Variants in GYPB observed in about 807,000 individuals in gnomAD.
The protein encoded by GYPB is glycophorin B (MNS blood group).
Under a neutral mutation model 15.3 loss-of-function variants are expected in GYPB, and 13 were observed. That is an observed-to-expected ratio of 0.85 (90% confidence interval 0.55 to 1.35). The LOEUF (loss-of-function observed/expected upper bound fraction) is 1.35. Ranked by LOEUF, GYPB falls within the 40% of genes most tolerant of loss-of-function variation. GYPB has a pLI of 0.00. For synonymous variants in GYPB, 38 were observed against 36.9 expected (o/e 1.03, Z -0.11); for missense variants, 131 against 108.3 (o/e 1.21, Z -0.93).
At chr4:144,011,041 A>T (rs1728190400) in intron 1 of GYPB, among the ~76,000 whole-genome samples, 1 of 151,572 alleles carries the variant, frequency 6.6e-6, no homozygotes, top group Non-Finnish European at 1.5e-5. Context: ...ATGCATATGG[A>T]TTATGGTTTT....
intron 1 of GYPB, chr4:144,002,600 G>A (rs1188660405): frequency 1.6e-6 from 2 of 1,286,920 alleles, no homozygotes; most frequent in Non-Finnish European, 2.0e-6. Context: ...ACATTCAAAT[G>A]AGGGGAATGG....
Position 143,996,235 on chromosome 4 carries a change from T to G in GYPB, c.*64A>C, listed in dbSNP as rs1269004558. The G allele has an allele frequency of 1.3e-6, 2 of 1,550,014 alleles. No individual in the cohort carries two copies. The highest frequency in any genetic ancestry group is 1.4e-5 in the African/African-American group (1 of 72,054). Reference sequence around the variant, plus strand: ...GAATAGCAGGTGCAGCCAGTTTGCATAAACAAGAGAACAGCAGGTGCAGCC... The same window carrying G: ...GAATAGCAGGTGCAGCCAGTTTGCAGAAACAAGAGAACAGCAGGTGCAGCC... On this transcript the variant is annotated 3_prime_UTR_variant, in exon 5 of 5. Transcript: ENST00000502664.
At chr4:144,008,457 G>C (rs1476644970) in intron 1 of GYPB, 2 of 455,280 alleles carry the variant, frequency 4.4e-6, no homozygotes, top group Non-Finnish European at 8.8e-6. Flanking sequence ...GACCTGCAGT[G>C]GCAAATCCAC....
rs1351620960 is a variant in GYPB, at chr4:144,019,374, A to G, written c.-87T>C. 1 of 1,608,604 alleles carries G rather than the reference A, an allele frequency of 6.2e-7. No homozygotes were observed. ...TGTCAGTGTCTGGCCTTAGCCTACT[A>G]GCTGTTATCTTCCAGGCCCACCTTC... On this transcript the variant is annotated 5_prime_UTR_variant, in exon 1 of 5. Coordinates refer to ENST00000502664, the MANE Select transcript of GYPB (RefSeq NM_002100.6).
intron 2 of GYPB, 56 bp downstream of exon 2, chr4:144,001,128 GT>G (rs1727598326): frequency 6.2e-7 from 1 of 1,611,942 alleles, no homozygotes; most frequent in African/African-American, 1.4e-5. Flanking sequence ...CTAAAATAGG[GT>G]TGCATCACAA....
rs1203387834 is a variant in GYPB at position 144,012,899 on chromosome 4, A to G, written c.37+6352T>C. 11 of 151,788 alleles carry G rather than the reference A, an allele frequency of 7.2e-5. No individual in the cohort carries two copies. In the East Asian group the frequency reaches 1.9e-3, roughly 27 times the overall value. 9.4% of individuals were successfully genotyped at this position (151,788 alleles called of 1,614,324 possible). A position where few individuals can be genotyped will look rare whatever the true frequency, so the allele number is the denominator to read the frequency against. ...AATTTTTATGACTTTAAATTTGGCA[A>G]TTATTTTTAGATATGATATCAAAAG... is the stretch of plus-strand genomic sequence containing the variant. On this transcript the variant is annotated intron_variant, in intron 1 of 4. Transcript: ENST00000502664.
At chr4:144,009,925 T>G (rs1560712497) in intron 1 of GYPB, among the ~76,000 whole-genome samples, 1 of 145,348 alleles carries the variant, frequency 6.9e-6, no homozygotes, top group Non-Finnish European at 1.5e-5. Context: ...TTTTGATTTT[T>G]TTAAGCACTT....
At chr4:144,001,968 C>CAA (rs374342942) in intron 1 of GYPB, among the ~76,000 whole-genome samples, 26,833 of 95,382 alleles carry the variant, frequency 0.28, 4,384 homozygotes, top group East Asian at 0.49. Flanking sequence ...GATTCCGTTT[C>CAA]AAAAAAAAAA....
rs1450041687 is a variant in GYPB, at chr4:143,996,295, A to G, written c.*4T>C. On this transcript the variant is annotated 3_prime_UTR_variant, in exon 5 of 5. Coordinates refer to ENST00000502664, the MANE Select transcript of GYPB (RefSeq NM_002100.6). ...CAAGATCAGGCAGCATGCAGGCCAC[A>G]TCCTCATGCCTGTGATAAAAAGACA... 2.6e-6 allele frequency: 4 copies of G among 1,550,864 alleles called. No homozygotes were observed. Among genetic ancestry groups the G allele is most frequent in the Non-Finnish European group, 3.5e-6 (4 of 1,147,298 alleles).
At chr4:144,014,525 T>C (rs1428413805) in intron 1 of GYPB, among the ~76,000 whole-genome samples, 2 of 151,382 alleles carry the variant, frequency 1.3e-5, no homozygotes, top group Non-Finnish European at 2.9e-5. Flanking sequence ...AAAGAAGCCA[T>C]ACACAAAAGG....
intron 1 of GYPB, chr4:144,002,634 G>C: frequency 1.6e-6 from 2 of 1,286,480 alleles, no homozygotes; most frequent in Non-Finnish European, 2.0e-6. Flanking sequence ...TGGAGTGGAG[G>C]TGGAAGGGCT....
chr4:144,000,081 A>G (rs183434818), intron 2 of GYPB: 36,020 of 172,712 alleles, frequency 0.21, 2,027 homozygotes, highest in Middle Eastern at 0.31. Flanking sequence ...CTCTTATACC[A>G]AAGCCACACA....
At chr4:144,016,561 G>A (rs556348226) in intron 1 of GYPB, among the ~76,000 whole-genome samples, 2 of 151,292 alleles carry the variant, frequency 1.3e-5, no homozygotes, top group East Asian at 3.9e-4. Flanking sequence ...GATGAATAAA[G>A]TAGGCATGAT....
At chr4:143,995,859 T>G (rs1246146454), downstream of GYPB, among the ~76,000 whole-genome samples, 1 of 151,390 alleles carries the variant, frequency 6.6e-6, no homozygotes, top group Admixed American at 6.6e-5. Context: ...CAGTGCCGTT[T>G]CAGCAGTCAG....
chr4:144,001,413 A>G (rs1727621367), intron 1 of GYPB, 130 bp from the exon 2 acceptor site: 47 of 1,502,366 alleles, frequency 3.1e-5, no homozygotes, highest in Non-Finnish European at 4.3e-5. Context: ...TATATATCTT[A>G]CATAATCTTT....
chr4:143,996,249 G>A lies in GYPB; in HGVS notation c.*50C>T. On this transcript the variant is annotated 3_prime_UTR_variant, in exon 5 of 5. Coordinates refer to ENST00000502664, the MANE Select transcript of GYPB (RefSeq NM_002100.6). Reference sequence around the variant, plus strand: ...GCCAGTTTGCATAAACAAGAGAACAGCAGGTGCAGCCGGTTCTAGGCAAGA... The same window carrying A: ...GCCAGTTTGCATAAACAAGAGAACAACAGGTGCAGCCGGTTCTAGGCAAGA... The A allele has an allele frequency of 6.5e-7, 1 of 1,550,360 alleles. No individual in the cohort carries two copies. The highest frequency in any genetic ancestry group is 8.7e-7 in the Non-Finnish European group (1 of 1,146,794).
chr4:143,999,571 T>C (rs1727513391), intron 2 of GYPB, 122 bp from the exon 3 acceptor site: 4 of 613,624 alleles, frequency 6.5e-6, no homozygotes, highest in Admixed American at 3.0e-5. Context: ...GAGTTGTTGG[T>C]CAACTTTCAA....
intron 3 of GYPB, among the ~76,000 whole-genome samples, chr4:143,998,724 A>T (rs879829555): frequency 2.7e-4 from 37 of 138,890 alleles, no homozygotes; most frequent in Non-Finnish European, 5.0e-4. Context: ...AGTTAATTAG[A>T]TGATTTTAAA....
chr4:144,017,902 A>G (rs1024682158), intron 1 of GYPB, among the ~76,000 whole-genome samples: 2 of 151,434 alleles, frequency 1.3e-5, no homozygotes, highest in Admixed American at 6.6e-5. Flanking sequence ...TGCTTAAAAA[A>G]TTAGAGTAGC....
Sources: gnomAD v4.1 joint callset for allele counts (sites outside exome capture counted in the v4.1 genomes callset) on GRCh38, gnomAD v4.1.1 for gene constraint, MANE v1.5 for transcripts, NCBI Gene and HGNC (gene_info 2026-07-23, HGNC 2026-07-21) for gene names.